The following ZFHX3 variants were observed in gnomAD, a reference collection of about 807,000 sequenced individuals.
ZFHX3 encodes zinc finger homeobox 3, also known as zinc finger homeobox protein 3.
ZFHX3 carries 42 observed loss-of-function variants against 279.1 expected under a neutral mutation model. That is an observed-to-expected ratio of 0.15 (90% CI 0.12 to 0.19). The LOEUF (loss-of-function observed/expected upper bound fraction) is 0.19, where lower values mean the gene tolerates loss of function less well. Among genes scored for constraint, ZFHX3 ranks in the 10% least tolerant of loss-of-function variants. ZFHX3 has a pLI of 1.00. For synonymous variants in ZFHX3, 2,293 were observed against 1,957.8 expected, an observed-to-expected ratio of 1.17 and a Z score of -4.52; for missense variants, 4,981 against 4,754.0, an observed-to-expected ratio of 1.05 and a Z score of -1.40.
At chr16:73,490,042 T>A (rs1362399982) in intron 2 of ZFHX3, among the ~76,000 whole-genome samples, 1 of 152,266 alleles carries the variant, frequency 6.6e-6, no homozygotes, top group Non-Finnish European at 1.5e-5. Flanking sequence ...TACAAATTTC[T>A]GTTGTACAAC....
chr16:72,813,116 T>C (rs768382699), intron 5 of ZFHX3, among the ~76,000 whole-genome samples: 2 of 152,220 alleles, frequency 1.3e-5, no homozygotes, highest in South Asian at 2.1e-4. Context: ...TATCTGAGTG[T>C]TGGCTCTTTC....
intron 5 of ZFHX3, among the ~76,000 whole-genome samples, chr16:73,166,496 G>A (rs1444409695): frequency 1.3e-5 from 2 of 152,166 alleles, no homozygotes; most frequent in Non-Finnish European, 2.9e-5. Context: ...AAGCCACCAA[G>A]AGAGCAGTCA....
chr16:73,351,552 A>T (rs534036275), intron 3 of ZFHX3, among the ~76,000 whole-genome samples: 22 of 152,232 alleles, frequency 1.4e-4, no homozygotes, highest in African/African-American at 5.3e-4. Context: ...TTCCTAAATA[A>T]TTTAAAGAGC....
intron 5 of ZFHX3, among the ~76,000 whole-genome samples, chr16:73,202,701 T>C (rs908328738): frequency 4.6e-5 from 7 of 152,150 alleles, no homozygotes; most frequent in African/African-American, 1.7e-4. Flanking sequence ...CCACTGCTCG[T>C]TGGCCTTCTT....
chr16:73,090,967 T>G (rs1303592139), intron 8 of ZFHX3, among the ~76,000 whole-genome samples: 5 of 141,766 alleles, frequency 3.5e-5, no homozygotes, highest in African/African-American at 1.4e-4. Flanking sequence ...ATCCCAGCAC[T>G]TTGGGAGGCT....
chr16:72,818,680 CTG>C (rs2036689688), intron 5 of ZFHX3, among the ~76,000 whole-genome samples: 1 of 152,200 alleles, frequency 6.6e-6, no homozygotes, highest in African/African-American at 2.4e-5. Flanking sequence ...TAAAAAGAAA[CTG>C]AGGCTTCTCT....
chr16:72,859,141 AG>A (rs1254431578), intron 4 of ZFHX3, among the ~76,000 whole-genome samples: 1 of 152,230 alleles, frequency 6.6e-6, no homozygotes, highest in South Asian at 2.1e-4. Context: ...AAAAGCAATG[AG>A]AACTTTCATC....
chr16:73,673,883 T>C (rs919717652), intron 2 of ZFHX3, among the ~76,000 whole-genome samples: 1 of 152,082 alleles, frequency 6.6e-6, no homozygotes, highest in Admixed American at 6.6e-5. Context: ...ACCCTCCAGA[T>C]ACAGATCCAG....
At chr16:72,824,232 TG>T (rs2036876613) in intron 5 of ZFHX3, among the ~76,000 whole-genome samples, 2 of 152,186 alleles carry the variant, frequency 1.3e-5, no homozygotes, top group East Asian at 3.9e-4. Flanking sequence ...ATTGGAATCA[TG>T]CCTGCCAGCA....
chr16:73,589,364 A>G (rs1221247185), intron 2 of ZFHX3, among the ~76,000 whole-genome samples: 3 of 144,668 alleles, frequency 2.1e-5, no homozygotes, highest in Non-Finnish European at 4.5e-5. Flanking sequence ...TGAGCCCGAG[A>G]GGTTAAGATT....
intron 4 of ZFHX3, among the ~76,000 whole-genome samples, chr16:73,297,738 C>T (rs527811233): frequency 9.2e-5 from 14 of 152,058 alleles, no homozygotes; most frequent in African/African-American, 2.7e-4. Flanking sequence ...TCTTTTATTA[C>T]GTGACCTTGG....
intron 3 of ZFHX3, among the ~76,000 whole-genome samples, chr16:73,450,746 T>C (rs1285138572): frequency 1.3e-5 from 2 of 152,230 alleles, no homozygotes; most frequent in African/African-American, 4.8e-5. Context: ...AATGCCTGCA[T>C]GCATTTGCAG....
At chr16:73,214,288 A>G (rs890995601) in intron 5 of ZFHX3, among the ~76,000 whole-genome samples, 1 of 152,230 alleles carries the variant, frequency 6.6e-6, no homozygotes, top group Admixed American at 6.5e-5. Flanking sequence ...ACCAGGCTGG[A>G]TGCAGTCCAC....
rs1396835101 is a variant in ZFHX3, at chr16:72,797,148, C to A, written c.5534G>T (p.Ser1845Ile). The A allele has an allele frequency of 1.2e-6, 2 of 1,613,908 alleles. No individual in the cohort carries two copies. Among genetic ancestry groups the A allele is most frequent in the Non-Finnish European group, 1.7e-6 (2 of 1,180,008 alleles). The change falls in exon 9 of 10, where the codon AGC becomes ATC. Residue 1845 changes from serine to isoleucine, a missense_variant. Physicochemically the swap from Ser to Ile is moderately radical, Grantham distance 142. This residue lies in a region of ZFHX3 where 1,751 missense variants were observed against 1,770.0 expected (regional missense o/e 0.99). Transcript: ENST00000268489. ...CTGCTGCGGCAAGATCTGCTGATGG[C>A]TCTGCTGTGGGACCTGAACCTGAGC... ...LKAQVQVPQQ[S>I]HQQILPQQQQ... is the part of the protein sequence containing the mutation.
chr16:73,338,923 C>T (rs1035160981), intron 3 of ZFHX3, among the ~76,000 whole-genome samples: 1 of 152,126 alleles, frequency 6.6e-6, no homozygotes, highest in Middle Eastern at 3.2e-3. Context: ...ATGTGTGGCA[C>T]CTACCCCCTT....
At chr16:73,629,063 C>T (rs1240292464) in intron 2 of ZFHX3, among the ~76,000 whole-genome samples, 2 of 152,136 alleles carry the variant, frequency 1.3e-5, no homozygotes, top group African/African-American at 2.4e-5. Context: ...CCGGTGTGCC[C>T]GTGACAAAGT....
At chr16:72,999,237 C>T (rs1963405403) in intron 1 of ZFHX3, among the ~76,000 whole-genome samples, 1 of 152,210 alleles carries the variant, frequency 6.6e-6, no homozygotes, top group South Asian at 2.1e-4. Flanking sequence ...GCAACCTCCG[C>T]CTCTCAGGTT....
At chr16:73,284,917 T>G (rs1427597096) in intron 4 of ZFHX3, among the ~76,000 whole-genome samples, 1 of 152,214 alleles carries the variant, frequency 6.6e-6, no homozygotes, top group Non-Finnish European at 1.5e-5. Flanking sequence ...ATCAGCTCAC[T>G]GTAACCTTTA....
In ZFHX3 at chr16:73,805,626, T is replaced by C. The variant is rs146030647; in HGVS notation, c.-1608+86025A>G. On this transcript the variant is annotated intron_variant, in intron 1 of 17. Coordinates refer to the ZFHX3 transcript ENST00000641206. ...TGGGTGGAAATCACTTATTCATTTA[T>C]TGATGAAACAAACATGTTAAGCACC... Among the ~76,000 whole-genome samples, 789 of 152,378 alleles carry C rather than the reference T, an allele frequency of 5.2e-3. 28 individuals are homozygous for C. The highest frequency in any genetic ancestry group is 0.043 in the Admixed American group (663 of 15,304).
Sources: allele counts gnomAD v4.1 joint callset (sites outside exome capture counted in the v4.1 genomes callset), GRCh38; gene constraint gnomAD v4.1.1; regional missense constraint gnomAD v4.1.1; transcripts MANE v1.5; gene names NCBI Gene and HGNC (gene_info 2026-07-23, HGNC 2026-07-21).